Variants in PDP1 observed in about 807,000 individuals in gnomAD.
PDP1 encodes pyruvate dehyrogenase phosphatase catalytic subunit 1.
A neutral mutation model predicts 37.1 loss-of-function variants in PDP1; 14 were observed. The observed-to-expected ratio is 0.38, with a 90% CI of 0.25 to 0.59. The LOEUF (loss-of-function observed/expected upper bound fraction) is 0.59. Among genes scored for constraint, PDP1 ranks in the 20% least tolerant of loss-of-function variants. The pLI, the probability that PDP1 is intolerant of heterozygous loss-of-function variation, is 0.67. For synonymous variants in PDP1, 251 were observed against 243.3 expected (o/e 1.03, Z -0.29); for missense variants, 544 against 655.3 (o/e 0.83, Z 1.85).
chr8:93,922,431 G>A lies in PDP1; in HGVS notation c.372G>A (p.Glu124=). ...AGCTGCCTGCAAATGCACCCATTGA[G>A]GACCGGAGAAGTGCAGCAACCTGCT... is the stretch of plus-strand genomic sequence containing the variant. The part of the protein sequence containing the change: ...SNQLPANAPI[E]DRRSAATCLQ... The change falls in exon 2 of 2, where the codon GAG becomes GAA. Residue 124 remains glutamate, a synonymous_variant. Transcript: ENST00000297598. This position sits in a 1 kb window ranked among gnomAD's most constrained non-coding sequence, Gnocchi z 4.0. 1 of 1,614,068 alleles carries A rather than the reference G, an allele frequency of 6.2e-7. No homozygotes were observed. Among genetic ancestry groups the A allele is most frequent in the Non-Finnish European group, 8.5e-7 (1 of 1,179,908 alleles).
chr8:93,921,236 G>A, intron 1 of PDP1: 1 of 976,568 alleles, frequency 1.0e-6, no homozygotes, highest in Non-Finnish European at 1.2e-6. Context: ...GGTTAGAAGA[G>A]TGAGACTCAA....
In PDP1 at chr8:93,925,006, A is replaced by G. The variant is rs553548239; in HGVS notation, c.*1333A>G. 1.2e-5 allele frequency: 2 copies of G among 167,154 alleles called. No homozygotes were observed. The highest frequency in any genetic ancestry group is 1.9e-4 in the East Asian group (1 of 5,192). 10.4% of individuals were successfully genotyped at this position (167,154 alleles called of 1,614,324 possible). A position where few individuals can be genotyped will look rare whatever the true frequency, so the allele number is the denominator to read the frequency against. On this transcript the variant is annotated 3_prime_UTR_variant, in exon 2 of 2. Transcript: ENST00000297598. ...GTTCCTGTGTTTAATAGTGATCTGT[A>G]TACAGCTGTGCACATATTGTCATCA...
At chr8:93,917,668 T>G (rs1586149889) in intron 1 of PDP1, 6 of 717,344 alleles carry the variant, frequency 8.4e-6, no homozygotes, top group Admixed American at 2.8e-5. Flanking sequence ...CCCGGCGGGG[T>G]GGGTTGGTTT....
intron 1 of PDP1, chr8:93,920,943 A>G: frequency 1.0e-6 from 1 of 983,046 alleles, no homozygotes; most frequent in Non-Finnish European, 1.2e-6. Context: ...TCCATAGTAG[A>G]TGAAAATACT....
intron 1 of PDP1, among the ~76,000 whole-genome samples, chr8:93,917,585 T>C (rs1810113064): frequency 6.6e-6 from 1 of 152,028 alleles, no homozygotes; most frequent in Non-Finnish European, 1.5e-5. Flanking sequence ...CCCGGCTGGA[T>C]GGAGGGGCTG....
At position 93,922,983 on chromosome 8, in the gene PDP1, C is replaced by G; in HGVS notation, c.924C>G (p.Val308=). Residue 308 remains valine, a synonymous_variant, in exon 2 of 2, where the codon GTC becomes GTG. Coordinates refer to ENST00000297598, the MANE Select transcript of PDP1 (RefSeq NM_018444.4). The surrounding 1 kb of genome is among the most constrained non-coding windows in gnomAD (Gnocchi z 4.0). ...AAGAGGACGGCTCATGGTCAGCAGT[C>G]ACGCTGTCTAATGACCACAATGCTC... is the stretch of plus-strand genomic sequence containing the variant. ...VQEEDGSWSA[V]TLSNDHNAQN... is the part of the protein sequence containing the mutation. 6.2e-7 allele frequency: 1 copy of G among 1,614,146 alleles called. No individual in the cohort carries two copies. Among genetic ancestry groups the G allele is most frequent in the South Asian group, 1.1e-5 (1 of 91,072 alleles).
Position 93,922,190 on chromosome 8 carries a change from T to G in PDP1, c.131T>G (p.Leu44Arg). 1.2e-6 allele frequency: 2 copies of G among 1,614,206 alleles called. No homozygotes were observed. The highest frequency in any genetic ancestry group is 1.7e-6 in the Non-Finnish European group (2 of 1,180,028). ...CSSSYIPQSR[L>R]RYTPHPAYAT... ...TCATCGTACATTCCTCAGAGTCGACTGAGATACACACCTCATCCAGCATAT... is the reference window on the plus strand; with the variant it reads ...TCATCGTACATTCCTCAGAGTCGACGGAGATACACACCTCATCCAGCATAT... Residue 44 changes from leucine to arginine, a missense_variant, in exon 2 of 2, where the codon CTG becomes CGG. This residue lies in a region of PDP1 where 342 missense variants were observed against 414.0 expected (regional missense o/e 0.83). Transcript: ENST00000297598. The surrounding 1 kb of genome is among the most constrained non-coding windows in gnomAD (Gnocchi z 4.0).
rs1810369529 is a variant in PDP1, at chr8:93,924,042, A to G, written c.*369A>G. On this transcript the variant is annotated 3_prime_UTR_variant, in exon 2 of 2. Transcript: ENST00000297598. Reference sequence around the variant, plus strand: ...AGTCTCTTGGTTAAAGTGAAGAAACAGTACTGTTCACACCTTTCTTCACTG... The same window carrying G: ...AGTCTCTTGGTTAAAGTGAAGAAACGGTACTGTTCACACCTTTCTTCACTG... 3.3e-6 allele frequency: 1 copy of G among 302,510 alleles called. No individual in the cohort carries two copies. Among genetic ancestry groups the G allele is most frequent in the Non-Finnish European group, 6.8e-6 (1 of 146,930 alleles). The allele number at this position is 302,510 out of a possible 1,614,324, so 18.7% of individuals were successfully genotyped here. A position where few individuals can be genotyped will look rare whatever the true frequency, so the allele number is the denominator to read the frequency against.
In PDP1 at chr8:93,923,384, A is replaced by T. The variant is rs1586157809; in HGVS notation, c.1325A>T (p.His442Leu). ...GGTGAGTACCTAACTGGCATGCATC[A>T]CCAACAGCCAATAGCTGTTGGTGGC... ...IVGEYLTGMH[H>L]QQPIAVGGYK... Residue 442 changes from histidine (H) to leucine (L), a missense_variant, in exon 2 of 2, where the codon CAC (histidine) becomes CTC (leucine). Physicochemically the swap from His to Leu is moderately conservative, Grantham distance 99. This residue lies in a region of PDP1 where 159 missense variants were observed against 165.5 expected (regional missense o/e 0.96). Transcript: ENST00000297598. This position sits in a 1 kb window ranked among gnomAD's most constrained non-coding sequence, Gnocchi z 4.3. 19 of 1,611,256 alleles carry T rather than the reference A, an allele frequency of 1.2e-5. No individual in the cohort carries two copies. Among genetic ancestry groups the T allele is most frequent in the Non-Finnish European group, 1.6e-5 (19 of 1,177,956 alleles).
At chr8:93,921,302 G>A (rs1391078933) in intron 1 of PDP1, 12 of 985,242 alleles carry the variant, frequency 1.2e-5, no homozygotes, top group East Asian at 1.1e-4. Flanking sequence ...ACCTATGCCC[G>A]TTAGCCTGGC....
At chr8:93,917,118 C>T (rs776609635) in intron 1 of PDP1, 39 bp downstream of exon 1, 43 of 456,870 alleles carry the variant, frequency 9.4e-5, no homozygotes, top group Non-Finnish European at 1.6e-4. Flanking sequence ...CCGCCCCGTC[C>T]GGGATCCTCC....
Position 93,923,745 on chromosome 8 carries a change from T to C in PDP1, c.*72T>C. 1.7e-6 allele frequency: 2 copies of C among 1,179,352 alleles called. No individual in the cohort carries two copies. The allele number at this position is 1,179,352 out of a possible 1,614,324, so 73.1% of individuals were successfully genotyped here. On this transcript the variant is annotated 3_prime_UTR_variant, in exon 2 of 2. Coordinates refer to ENST00000297598, the MANE Select transcript of PDP1 (RefSeq NM_018444.4). This position sits in a 1 kb window ranked among gnomAD's most constrained non-coding sequence, Gnocchi z 4.3. ...GGCAGATTTTTTAAAAAGATACTACTATAATAAACATTTCCAGTTGGTCAT... is the reference window on the plus strand; with the variant it reads ...GGCAGATTTTTTAAAAAGATACTACCATAATAAACATTTCCAGTTGGTCAT...
Position 93,917,437 on chromosome 8 carries a change from G to A in PDP1, c.-45+358G>A, listed in dbSNP as rs572355732. ...TGAGGGTCTCCCTGACGCACCCCGGGTCAGGGCTGGCCCCGCTGGCAGCCT... is the reference window on the plus strand; with the variant it reads ...TGAGGGTCTCCCTGACGCACCCCGGATCAGGGCTGGCCCCGCTGGCAGCCT... On this transcript the variant is annotated intron_variant, in intron 1 of 1. Coordinates refer to ENST00000297598, the MANE Select transcript of PDP1 (RefSeq NM_018444.4). Among the ~76,000 whole-genome samples, 1,493 of 152,088 alleles carry A rather than the reference G, an allele frequency of 9.8e-3. 22 individuals are homozygous for A. Among genetic ancestry groups the A allele is most frequent in the African/African-American group, 0.033 (1,391 of 41,532 alleles).
Position 93,922,115 on chromosome 8 carries a change from G to A in PDP1, c.56G>A (p.Arg19Lys), listed in dbSNP as rs754684543. Residue 19 changes from arginine to lysine, a missense_variant, in exon 2 of 2, where the codon AGG (arginine) becomes AAG (lysine). By Grantham distance (26) the Arg-to-Lys change is conservative. Transcript: ENST00000297598. The surrounding 1 kb of genome is among the most constrained non-coding windows in gnomAD (Gnocchi z 4.0). ...FPLIRNCELSRIYGTACYCHH... is the reference protein window; with the variant it reads ...FPLIRNCELSKIYGTACYCHH... ...CTCATCCGTAACTGTGAACTGAGCA[G>A]GATCTATGGCACTGCATGTTACTGC... 6 of 1,614,104 alleles carry A rather than the reference G, an allele frequency of 3.7e-6. No homozygotes were observed. In the East Asian group the frequency reaches 1.3e-4, roughly 36 times the overall value.
intron 1 of PDP1, chr8:93,921,595 G>A: frequency 6.3e-6 from 1 of 158,176 alleles, no homozygotes; most frequent in Non-Finnish European, 1.4e-5. Context: ...AGAAGTCCCT[G>A]TGTAAAATGG....
intron 1 of PDP1, chr8:93,917,308 C>T (rs1810098321): frequency 6.6e-6 from 1 of 152,002 alleles, no homozygotes; most frequent in Non-Finnish European, 1.5e-5. Flanking sequence ...CGCCGTGCAG[C>T]CCTAGCGTCT....
intron 1 of PDP1, chr8:93,921,004 A>C: frequency 1.0e-6 from 1 of 984,706 alleles, no homozygotes; most frequent in Non-Finnish European, 1.2e-6. Flanking sequence ...TTAGTAGGTA[A>C]ATTAAGTTCT....
At position 93,922,929 on chromosome 8, in the gene PDP1, C is replaced by A; in HGVS notation, c.870C>A (p.Gly290=). The change falls in exon 2 of 2, where the codon GGC becomes GGA. Residue 290 remains glycine, a synonymous_variant. Coordinates refer to ENST00000297598, the MANE Select transcript of PDP1 (RefSeq NM_018444.4). The surrounding 1 kb of genome is among the most constrained non-coding windows in gnomAD (Gnocchi z 4.0). ...TTGACCTTCATGTGGCCAATACTGGCGATAGCAGAGCCATGCTGGGTGTGC... is the reference window on the plus strand; with the variant it reads ...TTGACCTTCATGTGGCCAATACTGGAGATAGCAGAGCCATGCTGGGTGTGC... ...DGVDLHVANT[G]DSRAMLGVQE... is the part of the protein sequence containing the mutation. 6.2e-7 allele frequency: 1 copy of A among 1,614,108 alleles called. No homozygotes were observed. Among genetic ancestry groups the A allele is most frequent in the Non-Finnish European group, 8.5e-7 (1 of 1,180,016 alleles).
chr8:93,922,151 ATC>A lies in PDP1; in HGVS notation c.96_97del (p.Cys33LeufsTer54), dbSNP rs1563516518. The A allele has an allele frequency of 6.2e-7, 1 of 1,614,170 alleles. No homozygotes were observed. ...ACTGCATGTTACTGCCACCACAAACATCTCTGTTGTTCCTCATCGTACATTCC... is the reference window on the plus strand; with the variant it reads ...ACTGCATGTTACTGCCACCACAAACATCTGTTGTTCCTCATCGTACATTCC... On this transcript the variant is annotated frameshift_variant, in exon 2 of 2. Coordinates refer to ENST00000297598, the MANE Select transcript of PDP1 (RefSeq NM_018444.4). LOFTEE classifies it high-confidence loss of function. This position sits in a 1 kb window ranked among gnomAD's most constrained non-coding sequence, Gnocchi z 4.0.
Sources: gnomAD v4.1 joint callset for allele counts (sites outside exome capture counted in the v4.1 genomes callset) on GRCh38, gnomAD v4.1.1 for gene constraint, gnomAD v4.1.1 regional missense constraint, Gnocchi (gnomAD v3.1) non-coding constraint, MANE v1.5 for transcripts, NCBI Gene and HGNC (gene_info 2026-07-23, HGNC 2026-07-21) for gene names.